The following IPCEF1 variants were observed in gnomAD, a reference collection of about 807,000 sequenced individuals.
IPCEF1 encodes interactor protein for cytohesin exchange factors 1.
Under a neutral mutation model 50.9 loss-of-function variants are expected in IPCEF1, and 31 were observed. The ratio of observed to expected loss-of-function variants is 0.61; its 90% CI spans 0.46 to 0.82. The LOEUF (loss-of-function observed/expected upper bound fraction) is 0.82, where lower values mean the gene tolerates loss of function less well. Ranked by LOEUF, IPCEF1 falls within the 40% of genes least tolerant of loss-of-function variation. The pLI is 0.00. For synonymous variants in IPCEF1, 181 were observed against 192.0 expected (o/e 0.94, Z 0.47); for missense variants, 458 against 514.0 (o/e 0.89, Z 1.05).
At chr6:154,160,280 A>G (rs1310639816) in intron 11 of IPCEF1, among the ~76,000 whole-genome samples, 1 of 152,200 alleles carries the variant, frequency 6.6e-6, no homozygotes, top group African/African-American at 2.4e-5. Context: ...CATATAGCAA[A>G]GATCTTCTAT....
At chr6:154,326,628 G>A (rs567242427) in intron 1 of IPCEF1, among the ~76,000 whole-genome samples, 8 of 152,276 alleles carry the variant, frequency 5.3e-5, no homozygotes, top group African/African-American at 1.9e-4. Flanking sequence ...TCATGAGAAT[G>A]GCCATATTGC....
At chr6:154,301,656 C>T (rs1782798654) in intron 1 of IPCEF1, among the ~76,000 whole-genome samples, 1 of 151,966 alleles carries the variant, frequency 6.6e-6, no homozygotes, top group Non-Finnish European at 1.5e-5. Flanking sequence ...TTATTGAGCC[C>T]TGGGACTTCG....
chr6:154,204,308 A>G (rs574265070), intron 9 of IPCEF1, among the ~76,000 whole-genome samples: 1 of 152,224 alleles, frequency 6.6e-6, no homozygotes, highest in African/African-American at 2.4e-5. Flanking sequence ...CCCTGTAATT[A>G]GGCAGAAGTG....
intron 1 of IPCEF1, among the ~76,000 whole-genome samples, chr6:154,351,417 A>C (rs960794469): frequency 6.6e-6 from 1 of 152,142 alleles, no homozygotes; most frequent in Non-Finnish European, 1.5e-5. Flanking sequence ...CTGCCTAAGA[A>C]GACAATCACG....
At chr6:154,329,507 G>A (rs1783605204) in intron 1 of IPCEF1, among the ~76,000 whole-genome samples, 1 of 151,922 alleles carries the variant, frequency 6.6e-6, no homozygotes, top group African/African-American at 2.4e-5. Flanking sequence ...CGAGGTGGGA[G>A]GATCACTTGA....
intron 10 of IPCEF1, among the ~76,000 whole-genome samples, chr6:154,196,211 CTTAT>C (rs1776615019): frequency 1.3e-5 from 2 of 152,198 alleles, no homozygotes; most frequent in South Asian, 4.1e-4. Context: ...CAGTTTTGGA[CTTAT>C]TTTTTATTAC....
intron 1 of IPCEF1, among the ~76,000 whole-genome samples, chr6:154,312,801 A>G (rs551774993): frequency 6.6e-6 from 1 of 152,288 alleles, no homozygotes; most frequent in East Asian, 1.9e-4. Context: ...GAGGTAACAC[A>G]TATGTTAATG....
intron 10 of IPCEF1, among the ~76,000 whole-genome samples, chr6:154,186,721 T>A (rs1333588199): frequency 1.3e-5 from 2 of 151,916 alleles, no homozygotes; most frequent in African/African-American, 2.4e-5. Context: ...CACGCCTGGC[T>A]AATTTTTTGT....
At chr6:154,354,524 T>TCTCCTCCACCACCACCTC (rs1784181331) in intron 1 of IPCEF1, among the ~76,000 whole-genome samples, 1 of 52,422 alleles carries the variant, frequency 1.9e-5, no homozygotes, top group South Asian at 6.2e-4. Context: ...ACCACTCCAA[T>TCTCCTCCACCACCACCTC]CACCATTTCT....
chr6:154,234,837 T>C (rs1779988656), intron 5 of IPCEF1, among the ~76,000 whole-genome samples: 1 of 152,210 alleles, frequency 6.6e-6, no homozygotes, highest in South Asian at 2.1e-4. Context: ...CCTTCTGAAA[T>C]GTAATTTTAA....
intron 1 of IPCEF1, among the ~76,000 whole-genome samples, chr6:154,323,717 C>T (rs139122900): frequency 0.015 from 2,325 of 152,256 alleles, 59 homozygotes; most frequent in African/African-American, 0.053. Flanking sequence ...CTTTGGGAGG[C>T]CGAGGTGGGC....
Position 154,221,258 on chromosome 6 carries a change from C to A in IPCEF1, c.391G>T (p.Val131Leu). The A allele has an allele frequency of 1.9e-6, 3 of 1,613,258 alleles. No individual in the cohort carries two copies. Among genetic ancestry groups the A allele is most frequent in the Non-Finnish European group, 2.5e-6 (3 of 1,179,318 alleles). ...GGTTTACCAGTTTCCTCTACTTACA[C>A]GTTCATTTCCTGCACATTCTCAGCT... ...FAAENVQEMN[V>L]WLNKLGSAVI... is the part of the protein sequence containing the mutation. The change falls in exon 7 of 12, where the codon GTG becomes TTG. Residue 131 changes from valine (V) to leucine (L), a missense_variant and splice_region_variant. Transcript: ENST00000367220.
intron 2 of IPCEF1, among the ~76,000 whole-genome samples, chr6:154,268,773 C>T (rs1454697678): frequency 1.3e-5 from 2 of 149,368 alleles, no homozygotes; most frequent in Non-Finnish European, 3.0e-5. Flanking sequence ...TTTTTAAGTC[C>T]TCAAACACAT....
intron 1 of IPCEF1, among the ~76,000 whole-genome samples, chr6:154,343,378 AAAG>A (rs1482406775): frequency 1.3e-5 from 2 of 152,208 alleles, no homozygotes; most frequent in South Asian, 2.1e-4. Flanking sequence ...CAATTAGTGG[AAAG>A]AAGATGTTAA....
At chr6:154,311,744 C>T (rs996220600) in intron 1 of IPCEF1, among the ~76,000 whole-genome samples, 6 of 152,150 alleles carry the variant, frequency 3.9e-5, no homozygotes, top group African/African-American at 7.2e-5. Context: ...AGTGAGAGAT[C>T]GCCTCACCCC....
intron 10 of IPCEF1, among the ~76,000 whole-genome samples, chr6:154,195,129 A>G (rs181882657): frequency 1.0e-3 from 150 of 149,594 alleles, no homozygotes; most frequent in Non-Finnish European, 1.5e-3. Flanking sequence ...TACAGCTAAA[A>G]TAATTTTTCT....
chr6:154,181,276 T>G (rs1319419258), intron 10 of IPCEF1, among the ~76,000 whole-genome samples: 4 of 152,194 alleles, frequency 2.6e-5, no homozygotes, highest in Non-Finnish European at 5.9e-5. Context: ...TCTCCTATTT[T>G]TGTTCCTGTT....
chr6:154,179,439 T>A (rs922002197), intron 10 of IPCEF1, among the ~76,000 whole-genome samples: 1 of 152,230 alleles, frequency 6.6e-6, no homozygotes, highest in Non-Finnish European at 1.5e-5. Context: ...GAAAAAAGAT[T>A]GGCAGAGAAG....
intron 5 of IPCEF1, among the ~76,000 whole-genome samples, chr6:154,242,298 A>G (rs1780660660): frequency 6.6e-6 from 1 of 152,172 alleles, no homozygotes; most frequent in Admixed American, 6.5e-5. Context: ...CTTTTCCCAT[A>G]TCTGTTTTTA....
Sources: gnomAD v4.1 joint callset for allele counts (sites outside exome capture counted in the v4.1 genomes callset) on GRCh38, gnomAD v4.1.1 for gene constraint, MANE v1.5 for transcripts, NCBI Gene and HGNC (gene_info 2026-07-23, HGNC 2026-07-21) for gene names.